Variants in E2F6 observed in about 807,000 individuals in gnomAD.
E2F6 encodes the protein transcription factor E2F6.
A neutral mutation model predicts 31.5 loss-of-function variants in E2F6; 19 were observed. The observed-to-expected ratio is 0.60, with a 90% CI of 0.42 to 0.89. E2F6 has a LOEUF of 0.89. Ranked by LOEUF, E2F6 falls within the 40% of genes least tolerant of loss-of-function variation. The pLI is 0.00. For missense variants in E2F6, 269 were observed against 341.6 expected, an observed-to-expected ratio of 0.79 and a Z score of 1.67; for synonymous variants, 121 against 127.7, an observed-to-expected ratio of 0.95 and a Z score of 0.36.
chr2:11,446,920 T>C (rs1322461762), intron 6 of E2F6, among the ~76,000 whole-genome samples: 1 of 152,248 alleles, frequency 6.6e-6, no homozygotes, highest in African/African-American at 2.4e-5. Context: ...CGGTCCAGCC[T>C]GTGGCTCTGC....
chr2:11,450,809 T>C (rs1470519008), intron 4 of E2F6, among the ~76,000 whole-genome samples: 2 of 152,116 alleles, frequency 1.3e-5, no homozygotes, highest in East Asian at 1.9e-4. Context: ...CCAGTACCTG[T>C]ACTGTGGGAA....
chr2:11,460,186 C>T (rs1671687888), intron 1 of E2F6, among the ~76,000 whole-genome samples: 1 of 152,174 alleles, frequency 6.6e-6, no homozygotes, highest in African/African-American at 2.4e-5. Context: ...AAATGCTAAG[C>T]ACTGCCTCCA....
chr2:11,451,947 C>T (rs1393827102), intron 3 of E2F6, 141 bp from the exon 4 acceptor site: 10 of 752,604 alleles, frequency 1.3e-5, no homozygotes, highest in South Asian at 3.4e-5. Flanking sequence ...TAACTTCTGC[C>T]GTCTTTGTTC....
chr2:11,456,321 T>C (rs1025301090), intron 2 of E2F6, among the ~76,000 whole-genome samples: 2 of 152,144 alleles, frequency 1.3e-5, no homozygotes, highest in African/African-American at 4.8e-5. Flanking sequence ...TTTTCCAGCA[T>C]CCAGGTTGGA....
At chr2:11,462,361 G>T (rs555217251) in intron 1 of E2F6, among the ~76,000 whole-genome samples, 1 of 152,106 alleles carries the variant, frequency 6.6e-6, no homozygotes, top group Non-Finnish European at 1.5e-5. Context: ...TTAATTTATA[G>T]ATCGGGCATA....
intron 1 of E2F6, chr2:11,458,366 GAA>G (rs1303992149): frequency 1.9e-6 from 3 of 1,551,504 alleles, no homozygotes; most frequent in Admixed American, 3.9e-5. Context: ...GGGGAGAGAA[GAA>G]AAAAGACAGG....
intron 1 of E2F6, chr2:11,458,182 A>T (rs577286619): frequency 7.5e-7 from 1 of 1,328,626 alleles, no homozygotes; most frequent in South Asian, 1.3e-5. Context: ...ATCTAAGAAA[A>T]AACTGGCCAT....
At position 11,465,891 on chromosome 2, in the gene E2F6, G is replaced by T. The variant is rs1239234841; in HGVS notation, c.-12C>A. The T allele has an allele frequency of 1.9e-6, 3 of 1,539,770 alleles. No homozygotes were observed. The highest frequency in any genetic ancestry group is 1.2e-5 in the South Asian group (1 of 82,496). On this transcript the variant is annotated 5_prime_UTR_variant, in exon 1 of 7. Coordinates refer to ENST00000381525, the MANE Select transcript of E2F6 (RefSeq NM_198256.4). ...CGCTGCTGACTCATGCTGCCCGGCCGGGCGTCCTGCTCCCCTCGCACCCCA... is the reference window on the plus strand; with the variant it reads ...CGCTGCTGACTCATGCTGCCCGGCCTGGCGTCCTGCTCCCCTCGCACCCCA...
intron 1 of E2F6, among the ~76,000 whole-genome samples, chr2:11,459,037 A>G (rs546508492): frequency 2.0e-5 from 3 of 152,316 alleles, no homozygotes; most frequent in African/African-American, 4.8e-5. Flanking sequence ...CTATTTTTAC[A>G]TTTAACCCCT....
chr2:11,464,095 CA>C (rs1467552793), intron 1 of E2F6, among the ~76,000 whole-genome samples: 2 of 152,000 alleles, frequency 1.3e-5, no homozygotes, highest in Non-Finnish European at 2.9e-5. Context: ...GTGTTGTAGT[CA>C]AAACTACAAC....
chr2:11,458,384 GGTACC>G, intron 1 of E2F6: 5 of 1,549,614 alleles, frequency 3.2e-6, no homozygotes, highest in Non-Finnish European at 4.4e-6. Context: ...ACAGGATTGT[GGTACC>G]GGAAATGAAC....
intron 2 of E2F6, among the ~76,000 whole-genome samples, chr2:11,455,992 A>G (rs1287260363): frequency 2.0e-5 from 3 of 152,196 alleles, no homozygotes; most frequent in African/African-American, 7.2e-5. Context: ...CAGAAGACAA[A>G]GCAGACTTAG....
At chr2:11,452,954 G>A (rs1170777553) in intron 3 of E2F6, among the ~76,000 whole-genome samples, 1 of 152,096 alleles carries the variant, frequency 6.6e-6, no homozygotes, top group East Asian at 1.9e-4. Flanking sequence ...TATGGTCTTT[G>A]CTGGTAGGTT....
chr2:11,445,663 G>A lies in E2F6; in HGVS notation c.*814C>T, dbSNP rs1423577763. 1.3e-5 allele frequency: 2 copies of A among 152,164 alleles called. No homozygotes were observed. The highest frequency in any genetic ancestry group is 2.9e-5 in the Non-Finnish European group (2 of 68,034). 9.4% of individuals were successfully genotyped at this position (152,164 alleles called of 1,614,324 possible). A position where few individuals can be genotyped will look rare whatever the true frequency, so the allele number is the denominator to read the frequency against. On this transcript the variant is annotated 3_prime_UTR_variant, in exon 7 of 7. Transcript: ENST00000381525. ...TTCACAATGAATTCAGCTATTTCCT[G>A]ATGGCATTTCTATCCTTGCCCCCAA...
At chr2:11,456,100 AACAGCCT>A (rs1283789512) in intron 2 of E2F6, among the ~76,000 whole-genome samples, 1 of 152,164 alleles carries the variant, frequency 6.6e-6, no homozygotes, top group Non-Finnish European at 1.5e-5. Context: ...TTAAGCAAGA[AACAGCCT>A]ACAAGGGCCT....
At chr2:11,462,477 C>T (rs1671844468) in intron 1 of E2F6, among the ~76,000 whole-genome samples, 2 of 152,176 alleles carry the variant, frequency 1.3e-5, no homozygotes, top group Admixed American at 1.3e-4. Flanking sequence ...TACTGTAGAT[C>T]TTAGCGACCT....
chr2:11,462,522 A>G (rs546696086), intron 1 of E2F6, among the ~76,000 whole-genome samples: 1 of 152,308 alleles, frequency 6.6e-6, no homozygotes, highest in African/African-American at 2.4e-5. Context: ...TTACTAAGTC[A>G]AGAACTTAGA....
intron 1 of E2F6, among the ~76,000 whole-genome samples, chr2:11,463,504 A>G (rs1303058135): frequency 6.6e-6 from 1 of 152,262 alleles, no homozygotes; most frequent in African/African-American, 2.4e-5. Context: ...TGGGGGAATC[A>G]AAGTTATATT....
At chr2:11,463,712 G>T (rs4669729) in intron 1 of E2F6, among the ~76,000 whole-genome samples, 2 of 152,154 alleles carry the variant, frequency 1.3e-5, no homozygotes, top group African/African-American at 4.8e-5. Context: ...AGCACTTTGG[G>T]GAGCTGAGGT....
Sources: gnomAD v4.1 joint callset for allele counts (sites outside exome capture counted in the v4.1 genomes callset) on GRCh38, gnomAD v4.1.1 for gene constraint, MANE v1.5 for transcripts, NCBI Gene and HGNC (gene_info 2026-07-23, HGNC 2026-07-21) for gene names.